Variants in TTLL8 observed in about 807,000 individuals in gnomAD.
The protein encoded by TTLL8 is tubulin tyrosine ligase like 8.
TTLL8 carries 65 observed loss-of-function variants against 77.8 expected under a neutral mutation model. The observed-to-expected ratio is 0.84, with a 90% confidence interval of 0.68 to 1.03. TTLL8 has a LOEUF of 1.03. Ranked by LOEUF, TTLL8 falls within the 50% of genes least tolerant of loss-of-function variation. The probability of loss-of-function intolerance (pLI) is 0.00; values close to 1 mark genes in which losing one functional copy is unlikely to be tolerated. For synonymous variants in TTLL8, 402 were observed against 422.8 expected, an observed-to-expected ratio of 0.95 and a Z score of 0.60; for missense variants, 910 against 1,004.5, an observed-to-expected ratio of 0.91 and a Z score of 1.27.
intron 8 of TTLL8, among the ~76,000 whole-genome samples, chr22:50,038,550 G>A (rs2061350688): frequency 1.3e-5 from 2 of 152,146 alleles, no homozygotes; most frequent in East Asian, 1.9e-4. Context: ...AGTCAGTCAC[G>A]CCTGTAATGC....
chr22:50,032,093 T>G (rs758750688), exon 11 of TTLL8: 3 of 1,362,162 alleles, frequency 2.2e-6, no homozygotes, highest in Non-Finnish European at 2.9e-6. Context: ...ACGGCGTTGT[T>G]GCACAGGTGG....
intron 3 of TTLL8, among the ~76,000 whole-genome samples, chr22:50,047,831 C>T (rs2061421944): frequency 2.0e-5 from 3 of 152,216 alleles, no homozygotes; most frequent in Non-Finnish European, 4.4e-5. Flanking sequence ...GGTGCAGTGG[C>T]TCACGCCTGT....
rs776145870 is a variant in TTLL8 at position 50,041,723 on chromosome 22, C to T, written c.728G>A (p.Gly243Glu). The change falls in exon 7 of 14, where the codon GGG (glycine) becomes GAG (glutamate). Residue 243 changes from glycine (G) to glutamate (E), a missense_variant. Physicochemically the swap from Gly to Glu is moderately conservative, Grantham distance 98. Transcript: ENST00000266182. This position sits in a 1 kb window ranked among gnomAD's most constrained non-coding sequence, Gnocchi z 4.3. ...GTCGATGTCCTCATGCTCCAGCTGCCCCAGGTAGGCCTGGCACACCTTGCA... is the reference window on the plus strand; with the variant it reads ...GTCGATGTCCTCATGCTCCAGCTGCTCCAGGTAGGCCTGGCACACCTTGCA... 2.9e-6 allele frequency: 4 copies of T among 1,366,482 alleles called. No individual in the cohort carries two copies. The South Asian group carries it at 4.6e-5, about 16-fold the overall frequency. 84.6% of individuals were successfully genotyped at this position (1,366,482 alleles called of 1,614,324 possible).
Position 50,050,253 on chromosome 22 carries a change from A to G in TTLL8, c.52-6T>C, listed in dbSNP as rs767153356. 19 of 1,314,674 alleles carry G rather than the reference A, an allele frequency of 1.4e-5. No homozygotes were observed. The highest frequency in any genetic ancestry group is 2.1e-4 in the Middle Eastern group (1 of 4,710). The allele number at this position is 1,314,674 out of a possible 1,614,324, so 81.4% of individuals were successfully genotyped here. A position where few individuals can be genotyped will look rare whatever the true frequency, so the allele number is the denominator to read the frequency against. ...ATAGAGAAAATCTTCTTCTCCTAAA[A>G]TGGCAAGAGGATATTTTATTTTATT... On this transcript the variant is annotated splice_region_variant and splice_polypyrimidine_tract_variant and intron_variant, in intron 1 of 13. Transcript: ENST00000266182.
intron 12 of TTLL8, chr22:50,027,847 T>TC (rs1395370863): frequency 1.0e-6 from 1 of 978,684 alleles, no homozygotes; most frequent in African/African-American, 1.8e-5. Flanking sequence ...CAAGCCCAGC[T>TC]CCTCCCGGCC....
At chr22:50,038,028 C>T (rs546875826) in intron 8 of TTLL8, among the ~76,000 whole-genome samples, 10 of 152,200 alleles carry the variant, frequency 6.6e-5, no homozygotes, top group South Asian at 4.1e-4. Flanking sequence ...CACACACACA[C>T]GTTTATTAGG....
intron 12 of TTLL8, among the ~76,000 whole-genome samples, chr22:50,029,968 G>C (rs1482035463): frequency 3.3e-5 from 5 of 150,666 alleles, no homozygotes; most frequent in Non-Finnish European, 7.4e-5. Context: ...AGAGCCCGAT[G>C]GGGGCCGGGC....
At chr22:50,023,684 AAAATAAAT>A (rs56403599) in intron 12 of TTLL8, among the ~76,000 whole-genome samples, 107 of 149,520 alleles carry the variant, frequency 7.2e-4, no homozygotes, top group Middle Eastern at 6.9e-3. Context: ...ACTCCGTCTC[AAAATAAAT>A]AAATAAATAA....
At chr22:50,040,048 G>A (rs2061360388) in intron 8 of TTLL8, among the ~76,000 whole-genome samples, 1 of 150,572 alleles carries the variant, frequency 6.6e-6, no homozygotes, top group Non-Finnish European at 1.5e-5. Flanking sequence ...CCCCACGTGT[G>A]CCAGTGTGGA....
chr22:50,031,996 A>T (rs1293608204), exon 11 of TTLL8: 5 of 1,366,662 alleles, frequency 3.7e-6, no homozygotes, highest in Non-Finnish European at 9.8e-7. Flanking sequence ...CTGGCGCTGC[A>T]GGTACTCCTG....
intron 1 of TTLL8, among the ~76,000 whole-genome samples, chr22:50,050,973 G>A (rs909483198): frequency 2.0e-5 from 3 of 152,180 alleles, no homozygotes; most frequent in African/African-American, 4.8e-5. Flanking sequence ...CTTTAATCCG[G>A]TGTCTGAGGA....
At chr22:50,023,441 T>C (rs929772771) in intron 12 of TTLL8, among the ~76,000 whole-genome samples, 2 of 152,174 alleles carry the variant, frequency 1.3e-5, no homozygotes, top group Non-Finnish European at 2.9e-5. Context: ...TCCCAGCACT[T>C]TGGGAGGCCG....
At chr22:50,040,109 C>G (rs2083005366) in intron 8 of TTLL8, among the ~76,000 whole-genome samples, 2 of 151,694 alleles carry the variant, frequency 1.3e-5, no homozygotes, top group African/African-American at 4.8e-5. Context: ...TCACGTGTGC[C>G]AGCGTGGACG....
intron 4 of TTLL8, among the ~76,000 whole-genome samples, 191 bp from the exon 7 acceptor site, chr22:50,046,161 T>C (rs1230272738): frequency 6.6e-6 from 1 of 152,026 alleles, no homozygotes; most frequent in African/African-American, 2.4e-5. Flanking sequence ...CTCCAGCCGG[T>C]GGGAGCATGG....
intron 12 of TTLL8, among the ~76,000 whole-genome samples, chr22:50,021,407 CACTCCTCCATCTGATGATGTGT>C (rs1224188162): frequency 2.1e-5 from 3 of 142,068 alleles, no homozygotes; most frequent in Admixed American, 1.4e-4. Context: ...ATCTGATGTG[CACTCCTCCATCTGATGATGTGT>C]ACTCCTCCAT....
At chr22:50,022,321 G>A (rs909292366) in intron 12 of TTLL8, among the ~76,000 whole-genome samples, 11 of 134,938 alleles carry the variant, frequency 8.2e-5, no homozygotes, top group Non-Finnish European at 1.4e-4. Flanking sequence ...CTCCTCCGAC[G>A]ACGTGCACTC....
chr22:50,033,246 G>A (rs1474471017), exon 10 of TTLL8: 2 of 1,359,068 alleles, frequency 1.5e-6, no homozygotes, highest in Non-Finnish European at 2.0e-6. Flanking sequence ...AGAACCGCAA[G>A]TAACTCTCCT....
At position 50,041,337 on chromosome 22, in the gene TTLL8, G is replaced by C; in HGVS notation, c.831-60C>G. ...GTCCTGGTGGGACAGGCAACAGAGGGCCTGGGCACCCCGACACCCATAAGG... is the reference window on the plus strand; with the variant it reads ...GTCCTGGTGGGACAGGCAACAGAGGCCCTGGGCACCCCGACACCCATAAGG... On this transcript the variant is annotated intron_variant, in intron 7 of 13. Transcript: ENST00000266182. The surrounding 1 kb of genome is among the most constrained non-coding windows in gnomAD (Gnocchi z 4.3). 1 of 538,300 alleles carries C rather than the reference G, an allele frequency of 1.9e-6. No homozygotes were observed. The highest frequency in any genetic ancestry group is 3.5e-6 in the Non-Finnish European group (1 of 287,884). 33.3% of individuals were successfully genotyped at this position (538,300 alleles called of 1,614,324 possible).
upstream of TTLL8, chr22:50,055,163 T>C: frequency 7.9e-7 from 1 of 1,259,064 alleles, no homozygotes; most frequent in Non-Finnish European, 1.0e-6. Flanking sequence ...GATGGACAGA[T>C]TCCAAGTTCC....
Sources: allele counts gnomAD v4.1 joint callset (sites outside exome capture counted in the v4.1 genomes callset), GRCh38; gene constraint gnomAD v4.1.1; non-coding constraint Gnocchi (gnomAD v3.1); transcripts MANE v1.5; gene names NCBI Gene and HGNC (gene_info 2026-07-23, HGNC 2026-07-21).